The following SYTL3 variants were observed in gnomAD, a reference collection of about 807,000 sequenced individuals.
SYTL3 encodes synaptotagmin like 3, also known as synaptotagmin-like protein 3.
Under a neutral mutation model 82.1 loss-of-function variants are expected in SYTL3, and 88 were observed. That is an observed-to-expected ratio of 1.07 (90% confidence interval 0.90 to 1.28). The LOEUF (loss-of-function observed/expected upper bound fraction) is 1.28. SYTL3 is among the 50% of genes most tolerant of loss of function. The probability of loss-of-function intolerance (pLI) is 0.00; values close to 1 mark genes in which losing one functional copy is unlikely to be tolerated. For synonymous variants in SYTL3, 311 were observed against 289.4 expected (o/e 1.07, Z -0.76); for missense variants, 831 against 757.6 (o/e 1.10, Z -1.14).
At chr6:158,673,730 G>C (rs1420149353) in intron 5 of SYTL3, among the ~76,000 whole-genome samples, 1 of 150,364 alleles carries the variant, frequency 6.7e-6, no homozygotes, top group Non-Finnish European at 1.5e-5. Flanking sequence ...GAGCCACCAC[G>C]CCCCGCCAGG....
intron 2 of SYTL3, among the ~76,000 whole-genome samples, chr6:158,654,142 C>T (rs577350986): frequency 1.3e-5 from 2 of 152,306 alleles, no homozygotes; most frequent in African/African-American, 4.8e-5. Context: ...ACACGTCTCT[C>T]CCTGGGAAGC....
chr6:158,697,745 T>C (rs1328371795), intron 6 of SYTL3, among the ~76,000 whole-genome samples: 8 of 152,156 alleles, frequency 5.3e-5, no homozygotes, highest in Admixed American at 5.2e-4. Context: ...AGTTTAGACC[T>C]TCTTGCCCCA....
chr6:158,703,108 C>T (rs1364189727), intron 6 of SYTL3, among the ~76,000 whole-genome samples: 1 of 145,988 alleles, frequency 6.8e-6, no homozygotes, highest in East Asian at 2.0e-4. Flanking sequence ...GAGCCAAGAT[C>T]GTGCCACTGT....
chr6:158,725,374 G>A, intron 10 of SYTL3, 129 bp from the exon 11 acceptor site: 2 of 956,186 alleles, frequency 2.1e-6, no homozygotes, highest in Non-Finnish European at 3.2e-6. Context: ...AAATGCAGGT[G>A]TGTCCTCCTA....
At chr6:158,736,760 C>T (rs1786227192) in intron 11 of SYTL3, among the ~76,000 whole-genome samples, 1 of 150,130 alleles carries the variant, frequency 6.7e-6, no homozygotes. Flanking sequence ...TGTACTCCAG[C>T]CTGGGCGACA....
upstream of SYTL3, among the ~76,000 whole-genome samples, chr6:158,648,501 G>A (rs1428586905): frequency 6.6e-6 from 1 of 150,690 alleles, no homozygotes; most frequent in African/African-American, 2.4e-5. Context: ...TGAGGCAGGA[G>A]AATAGCGTGA....
chr6:158,762,472 TCTC>T (rs1249592582), intron 16 of SYTL3, among the ~76,000 whole-genome samples: 8 of 152,118 alleles, frequency 5.3e-5, no homozygotes, highest in South Asian at 2.1e-4. Context: ...AAGCTTAACA[TCTC>T]CTCTTGGACC....
At chr6:158,666,493 C>T (rs544123199) in intron 5 of SYTL3, among the ~76,000 whole-genome samples, 2 of 152,312 alleles carry the variant, frequency 1.3e-5, no homozygotes, top group African/African-American at 4.8e-5. Flanking sequence ...TGGCCATGAG[C>T]TCCGTGAAAA....
At chr6:158,654,191 A>G (rs1326988130) in intron 2 of SYTL3, among the ~76,000 whole-genome samples, 1 of 152,084 alleles carries the variant, frequency 6.6e-6, no homozygotes, top group Non-Finnish European at 1.5e-5. Context: ...TCCTGTGTGG[A>G]GTGACTCTTG....
At chr6:158,713,750 C>G in intron 8 of SYTL3, 50 bp from the exon 9 acceptor site, 1 of 1,391,744 alleles carries the variant, frequency 7.2e-7, no homozygotes, top group Non-Finnish European at 1.0e-6. Context: ...CTGAGGCAAA[C>G]ACAAGTCATC....
chr6:158,741,360 T>C (rs879365587), intron 11 of SYTL3, among the ~76,000 whole-genome samples: 2 of 152,224 alleles, frequency 1.3e-5, no homozygotes, highest in Admixed American at 6.5e-5. Flanking sequence ...TGAGCCACCA[T>C]GTCTGGCCTT....
chr6:158,689,207 A>G lies in SYTL3; in HGVS notation c.394+6218A>G, dbSNP rs1779599390. 1.3e-5 allele frequency among the ~76,000 whole-genome samples: 2 copies of G among 152,246 alleles called. 1 individual carries two copies. Among genetic ancestry groups the G allele is most frequent in the South Asian group, 4.1e-4 (2 of 4,834 alleles). On this transcript the variant is annotated intron_variant, in intron 6 of 17. Coordinates refer to ENST00000611299, the MANE Select transcript of SYTL3 (RefSeq NM_001242394.2). Reference sequence around the variant, plus strand: ...TGGCACATCTCTGAATATTTCTAGAAAGAGAACAAGATGAAGGTTAGGAAT... The same window carrying G: ...TGGCACATCTCTGAATATTTCTAGAGAGAGAACAAGATGAAGGTTAGGAAT...
intron 6 of SYTL3, among the ~76,000 whole-genome samples, chr6:158,695,768 T>A (rs1365879857): frequency 6.6e-6 from 1 of 152,254 alleles, no homozygotes; most frequent in Non-Finnish European, 1.5e-5. Context: ...ATAAGTGGAA[T>A]CATAATGTAT....
At chr6:158,714,337 G>A (rs1704866759) in intron 9 of SYTL3, among the ~76,000 whole-genome samples, 1 of 150,650 alleles carries the variant, frequency 6.6e-6, no homozygotes, top group African/African-American at 2.4e-5. Context: ...GAGCAACAGA[G>A]CAAGACTCCG....
rs191057069 is a variant in SYTL3, at chr6:158,763,397, C to T, written c.1611C>T (p.Phe537=). ...CCCAGTGGAAACACTCATTTGTCTTCAGTGGCGTAACCCCAGCTCAGCTGA... is the reference window on the plus strand; with the variant it reads ...CCCAGTGGAAACACTCATTTGTCTTTAGTGGCGTAACCCCAGCTCAGCTGA... ...ACPQWKHSFV[F]SGVTPAQLRQ... Residue 537 remains phenylalanine, a synonymous_variant, in exon 17 of 18, where the codon TTC becomes TTT. Coordinates refer to ENST00000611299, the MANE Select transcript of SYTL3 (RefSeq NM_001242394.2). 6.2e-7 allele frequency: 1 copy of T among 1,614,216 alleles called. No homozygotes were observed. The highest frequency in any genetic ancestry group is 8.5e-7 in the Non-Finnish European group (1 of 1,180,030).
At chr6:158,696,755 G>A (rs534439707) in intron 6 of SYTL3, among the ~76,000 whole-genome samples, 5 of 151,880 alleles carry the variant, frequency 3.3e-5, no homozygotes, top group South Asian at 4.2e-4. Context: ...GAGGACTCAC[G>A]CTTCCAGATC....
At position 158,680,060 on chromosome 6, in the gene SYTL3, G is replaced by A. The variant is rs192685010; in HGVS notation, c.330-2865G>A. ...TGCAAGTAAGGTGCGTTTATCAGGC[G>A]GGGGCCTTGTAATTCCTGCCCTTTG... On this transcript the variant is annotated intron_variant, in intron 5 of 17. Coordinates refer to ENST00000611299, the MANE Select transcript of SYTL3 (RefSeq NM_001242394.2). Among the ~76,000 whole-genome samples, 28 of 152,250 alleles carry A rather than the reference G, an allele frequency of 1.8e-4. No homozygotes were observed. The East Asian group carries it at 5.4e-3, about 29-fold the overall frequency.
At chr6:158,764,258 C>T (rs1042025488) in intron 17 of SYTL3, among the ~76,000 whole-genome samples, 1 of 152,214 alleles carries the variant, frequency 6.6e-6, no homozygotes, top group Non-Finnish European at 1.5e-5. Context: ...CACTTTCAAA[C>T]TACAGAACTC....
intron 5 of SYTL3, among the ~76,000 whole-genome samples, chr6:158,669,957 T>G (rs552643754): frequency 3.4e-4 from 52 of 152,148 alleles, no homozygotes; most frequent in East Asian, 9.7e-4. Context: ...AAAAAGGTTT[T>G]TTGTTGTTGT....
Sources: allele counts gnomAD v4.1 joint callset (sites outside exome capture counted in the v4.1 genomes callset), GRCh38; gene constraint gnomAD v4.1.1; transcripts MANE v1.5; gene names NCBI Gene and HGNC (gene_info 2026-07-23, HGNC 2026-07-21).